COQ6: variants seen among roughly 807,000 people sequenced by gnomAD.
The protein encoded by COQ6 is coenzyme Q6, monooxygenase.
Under a neutral mutation model 55.5 loss-of-function variants are expected in COQ6, and 45 were observed. That is an observed-to-expected ratio of 0.81 (90% confidence interval 0.64 to 1.04). COQ6 has a LOEUF of 1.04. COQ6 is among the 50% of genes least tolerant of loss of function. COQ6 has a pLI of 0.00. For synonymous variants in COQ6, 206 were observed against 230.5 expected (o/e 0.89, Z 0.96); for missense variants, 550 against 601.3 (o/e 0.91, Z 0.89).
Position 73,955,794 on chromosome 14 carries a change from T to C in COQ6, c.358-11T>C. 6.2e-7 allele frequency: 1 copy of C among 1,614,222 alleles called. No individual in the cohort carries two copies. The highest frequency in any genetic ancestry group is 1.1e-5 in the South Asian group (1 of 91,088). On this transcript the variant is annotated splice_polypyrimidine_tract_variant and intron_variant, in intron 3 of 11. Transcript: ENST00000334571. The stretch of plus-strand genomic sequence containing the variant: ...TTGGTTTTAATGCAGACTTTCCTTT[T>C]GTGTTTCCAGGTGTGGGACGCCTGC...
Position 73,955,805 on chromosome 14 carries a change from G to A in COQ6, c.358G>A (p.Val120Met), listed in dbSNP as rs1433377206. The A allele has an allele frequency of 6.2e-7, 1 of 1,614,012 alleles. No homozygotes were observed. The highest frequency in any genetic ancestry group is 8.5e-7 in the Non-Finnish European group (1 of 1,180,030). ...GCAGACTTTCCTTTTGTGTTTCCAG[G>A]TGTGGGACGCCTGCTCAGAGGCCCT... ...MRYRAFRRMQ[V>M]WDACSEALIM... Residue 120 changes from valine to methionine, a missense_variant and splice_region_variant, in exon 4 of 12, where the codon GTG becomes ATG. Physicochemically the swap from Val to Met is conservative, Grantham distance 21. Coordinates refer to ENST00000334571, the MANE Select transcript of COQ6 (RefSeq NM_182476.3).
In COQ6 at chr14:73,953,588, T is replaced by C. The variant is rs779008776; in HGVS notation, c.298+19T>C. ...CTCAGTAGTGAGTAGAAGATCCTCC[T>C]TCAAAGATCCAATCTCCTTTCCCAC... On this transcript the variant is annotated intron_variant, in intron 2 of 11. Coordinates refer to ENST00000334571, the MANE Select transcript of COQ6 (RefSeq NM_182476.3). 1.2e-6 allele frequency: 2 copies of C among 1,614,102 alleles called. No homozygotes were observed. Among genetic ancestry groups the C allele is most frequent in the Non-Finnish European group, 1.7e-6 (2 of 1,179,960 alleles).
chr14:73,961,767 CAGAA>C lies in COQ6; in HGVS notation c.1245_1248del (p.Glu415AspfsTer15), dbSNP rs2056748122. ...GTGAGCCACCTCACAGGTTATGAAA[CAGAA>C]AGACAGCGTCACAACACTGCTCTTC... On this transcript the variant is annotated frameshift_variant, in exon 11 of 12. Coordinates refer to ENST00000334571, the MANE Select transcript of COQ6 (RefSeq NM_182476.3). LOFTEE classifies it high-confidence loss of function. The C allele has an allele frequency of 6.2e-7, 1 of 1,614,182 alleles. No individual in the cohort carries two copies. The highest frequency in any genetic ancestry group is 8.5e-7 in the Non-Finnish European group (1 of 1,180,034).
Position 73,950,489 on chromosome 14 carries a change from G to A in COQ6, c.157G>A (p.Ala53Thr), listed in dbSNP as rs879576557. ...GGLVGAAMAC[A>T]LGYDIHFHDK... ...CCTGGTGGGCGCTGCCATGGCCTGT[G>A]CCTTGGGTAAGCCCTTCTCCAGGCT... The change falls in exon 1 of 12, where the codon GCC (alanine) becomes ACC (threonine). Residue 53 changes from alanine to threonine, a missense_variant. Coordinates refer to ENST00000334571, the MANE Select transcript of COQ6 (RefSeq NM_182476.3). 21 of 1,606,676 alleles carry A rather than the reference G, an allele frequency of 1.3e-5. No individual in the cohort carries two copies. Among genetic ancestry groups the A allele is most frequent in the Non-Finnish European group, 1.8e-5 (21 of 1,177,400 alleles).
At chr14:73,953,131 C>A (rs2056265857) in intron 1 of COQ6, among the ~76,000 whole-genome samples, 1 of 152,156 alleles carries the variant, frequency 6.6e-6, no homozygotes, top group African/African-American at 2.4e-5. Flanking sequence ...TGTAGTCTAA[C>A]TTTTTTACTT....
intron 3 of COQ6, 114 bp from the exon 4 acceptor site, chr14:73,955,691 A>G: frequency 1.3e-6 from 2 of 1,520,814 alleles, no homozygotes; most frequent in South Asian, 2.3e-5. Context: ...TTCCTACCAG[A>G]GAGGCTGACA....
Position 73,953,720 on chromosome 14 carries a change from G to A in COQ6, c.298+151G>A, listed in dbSNP as rs1031332937. The A allele has an allele frequency of 1.4e-5, 14 of 1,001,696 alleles. No homozygotes were observed. In the African/African-American group the frequency reaches 2.2e-4, roughly 16 times the overall value. 62.1% of individuals were successfully genotyped at this position (1,001,696 alleles called of 1,614,324 possible). A position where few individuals can be genotyped will look rare whatever the true frequency, so the allele number is the denominator to read the frequency against. ...GGGGTGGGATTGGTAGTCTAGGGCA[G>A]AGTTGAAGATGTGGACCCCTGCAGT... is the stretch of plus-strand genomic sequence containing the variant. On this transcript the variant is annotated intron_variant, in intron 2 of 11. Transcript: ENST00000334571.
chr14:73,960,623 A>C (rs2056672510), intron 8 of COQ6: 1 of 1,037,510 alleles, frequency 9.6e-7, no homozygotes, highest in South Asian at 3.5e-5. Flanking sequence ...TCTATGTAGC[A>C]GGCTCTGGAG....
intron 11 of COQ6, among the ~76,000 whole-genome samples, chr14:73,962,301 T>C (rs1472975041): frequency 6.6e-6 from 1 of 152,090 alleles, no homozygotes; most frequent in East Asian, 1.9e-4. Flanking sequence ...ATTATCTTTA[T>C]GTGTTTGCCT....
Position 73,961,771 on chromosome 14 carries a change from A to G in COQ6, c.1245A>G (p.Glu415=). The G allele has an allele frequency of 6.2e-7, 1 of 1,614,174 alleles. No homozygotes were observed. Among genetic ancestry groups the G allele is most frequent in the Non-Finnish European group, 8.5e-7 (1 of 1,180,038 alleles). ...GCCACCTCACAGGTTATGAAACAGAAAGACAGCGTCACAACACTGCTCTTC... is the reference window on the plus strand; with the variant it reads ...GCCACCTCACAGGTTATGAAACAGAGAGACAGCGTCACAACACTGCTCTTC... ...SVSHLTGYET[E]RQRHNTALLA... Residue 415 remains glutamate (E), a synonymous_variant, in exon 11 of 12, where the codon GAA becomes GAG. Transcript: ENST00000334571.
intron 1 of COQ6, among the ~76,000 whole-genome samples, chr14:73,951,400 G>A (rs1338133261): frequency 1.3e-5 from 2 of 150,206 alleles, no homozygotes; most frequent in East Asian, 1.9e-4. Flanking sequence ...CTGAGATGGA[G>A]TTTCGCTCTT....
At chr14:73,953,606 T>C in intron 2 of COQ6, 37 bp downstream of exon 2, 1 of 1,613,562 alleles carries the variant, frequency 6.2e-7, no homozygotes, top group Non-Finnish European at 8.5e-7. Context: ...TCCAATCTCC[T>C]TTCCCACTTA....
chr14:73,958,354 G>T (rs775709668), intron 5 of COQ6, 77 bp downstream of exon 5: 32 of 1,604,076 alleles, frequency 2.0e-5, no homozygotes, highest in Non-Finnish European at 2.7e-5. Context: ...TCTGGTTTTC[G>T]ATTTAAGCTA....
At position 73,955,889 on chromosome 14, in the gene COQ6, A is replaced by G; in HGVS notation, c.442A>G (p.Ile148Val). The G allele has an allele frequency of 1.2e-6, 2 of 1,614,144 alleles. No individual in the cohort carries two copies. Among genetic ancestry groups the G allele is most frequent in the Non-Finnish European group, 1.7e-6 (2 of 1,180,028 alleles). Residue 148 changes from isoleucine to valine, a missense_variant, in exon 4 of 12, where the codon ATC (isoleucine) becomes GTC (valine). Coordinates refer to ENST00000334571, the MANE Select transcript of COQ6 (RefSeq NM_182476.3). ...DMGYIVENDV[I>V]MHALTKQLEA... ...GGGCTATATCGTGGAGAATGATGTC[A>G]TCATGCATGCTCTCACTAAGCAGTT...
chr14:73,955,941 T>G lies in COQ6; in HGVS notation c.481+13T>G. The G allele has an allele frequency of 6.2e-7, 1 of 1,613,934 alleles. No individual in the cohort carries two copies. The highest frequency in any genetic ancestry group is 8.5e-7 in the Non-Finnish European group (1 of 1,180,018). Reference sequence around the variant, plus strand: ...GAGGCTGTGTCTGGTGAGGCCCCCATCTTCCACCTTGCATTCATTGGGAAG... The same window carrying G: ...GAGGCTGTGTCTGGTGAGGCCCCCAGCTTCCACCTTGCATTCATTGGGAAG... On this transcript the variant is annotated intron_variant, in intron 4 of 11. Transcript: ENST00000334571.
chr14:73,954,214 T>G (rs1031973359), intron 2 of COQ6, among the ~76,000 whole-genome samples: 5 of 152,236 alleles, frequency 3.3e-5, no homozygotes, highest in African/African-American at 1.2e-4. Flanking sequence ...CTTTGTCCAT[T>G]GGTTTCCCAC....
At chr14:73,955,618 C>CAGTG in intron 3 of COQ6, 109 bp downstream of exon 3, 1 of 1,358,858 alleles carries the variant, frequency 7.4e-7, no homozygotes. Flanking sequence ...AGACAAGGTT[C>CAGTG]ACATTCAGTC....
intron 4 of COQ6, chr14:73,956,245 G>A (rs1024874508): frequency 1.5e-5 from 5 of 340,300 alleles, no homozygotes; most frequent in Non-Finnish European, 2.3e-5. Flanking sequence ...GGAGAATGGC[G>A]TGAACCCAGG....
chr14:73,950,062 G>T (rs371643448), upstream of COQ6: 97 of 1,609,394 alleles, frequency 6.0e-5, no homozygotes, highest in African/African-American at 1.2e-3. Context: ...CAGTGACAGC[G>T]ATAGTGGCAG....
Sources: allele counts gnomAD v4.1 joint callset (sites outside exome capture counted in the v4.1 genomes callset), GRCh38; gene constraint gnomAD v4.1.1; transcripts MANE v1.5; gene names NCBI Gene and HGNC (gene_info 2026-07-23, HGNC 2026-07-21).